The following GPHN variants were observed in gnomAD, a reference collection of about 807,000 sequenced individuals.
The protein encoded by GPHN is gephyrin.
In GPHN, 17 loss-of-function variants were observed where a neutral mutation model predicts 95.5. The ratio of observed to expected loss-of-function variants is 0.18; its 90% CI spans 0.12 to 0.27. The LOEUF (loss-of-function observed/expected upper bound fraction) is 0.27. Among genes scored for constraint, GPHN ranks in the 10% least tolerant of loss-of-function variants. GPHN has a pLI of 1.00. For missense variants in GPHN, 660 were observed against 978.1 expected (o/e 0.67, Z 4.34); for synonymous variants, 320 against 322.5 (o/e 0.99, Z 0.08).
At chr14:66,828,908 C>A (rs1029727306) in intron 4 of GPHN, among the ~76,000 whole-genome samples, 2 of 149,794 alleles carry the variant, frequency 1.3e-5, no homozygotes, top group African/African-American at 5.1e-5. Context: ...TTTTTAGGCC[C>A]TGCATCATAG....
At chr14:66,611,306 G>C (rs1318852864) in intron 1 of GPHN, among the ~76,000 whole-genome samples, 1 of 152,078 alleles carries the variant, frequency 6.6e-6, no homozygotes, top group Non-Finnish European at 1.5e-5. Context: ...TTATTTTCAA[G>C]GCCAAGGCCA....
At chr14:67,462,176 G>C in the GPHN span, among the ~76,000 whole-genome samples, 4 of 152,178 alleles carry the variant, frequency 2.6e-5, no homozygotes, top group Admixed American at 2.0e-4. Flanking sequence ...ATTTCATGAA[G>C]GTTAGGATGG....
At chr14:66,960,894 C>A (rs1052578820) in intron 8 of GPHN, among the ~76,000 whole-genome samples, 1 of 152,038 alleles carries the variant, frequency 6.6e-6, no homozygotes, top group African/African-American at 2.4e-5. Context: ...ACCCTCACTC[C>A]CAGGTTTTTC....
intron 3 of GPHN, among the ~76,000 whole-genome samples, chr14:66,819,663 G>A (rs2061115402): frequency 6.6e-6 from 1 of 151,468 alleles, no homozygotes; most frequent in Admixed American, 6.6e-5. Context: ...GACCACGTTG[G>A]CTATTGAAAT....
intron 5 of GPHN, among the ~76,000 whole-genome samples, chr14:66,908,558 TA>T (rs1188287090): frequency 2.0e-5 from 3 of 152,188 alleles, no homozygotes; most frequent in African/African-American, 7.2e-5. Context: ...AAGGGGCACA[TA>T]ACTCCTCACT....
intron 11 of GPHN, among the ~76,000 whole-genome samples, chr14:67,084,786 A>T (rs1311955350): frequency 1.3e-5 from 2 of 152,170 alleles, no homozygotes; most frequent in African/African-American, 4.8e-5. Context: ...AATGCATGAT[A>T]CTTACTAGGA....
the GPHN span, among the ~76,000 whole-genome samples, chr14:67,688,269 A>G: frequency 6.6e-6 from 1 of 152,206 alleles, no homozygotes; most frequent in East Asian, 1.9e-4. Flanking sequence ...TTATAATTAA[A>G]CAGCCACAAC....
the GPHN span, chr14:67,336,654 G>A: frequency 2.2e-6 from 1 of 450,024 alleles, no homozygotes. Flanking sequence ...TACTTGACTT[G>A]CATTCCAGCT....
At chr14:66,629,666 G>A (rs2063709611) in intron 1 of GPHN, among the ~76,000 whole-genome samples, 1 of 152,060 alleles carries the variant, frequency 6.6e-6, no homozygotes, top group Admixed American at 6.5e-5. Context: ...CACTGCAGTA[G>A]GTTTGTTTAT....
At chr14:66,876,680 C>G (rs1032356487) in intron 4 of GPHN, among the ~76,000 whole-genome samples, 5 of 152,052 alleles carry the variant, frequency 3.3e-5, no homozygotes, top group Admixed American at 2.0e-4. Flanking sequence ...ATACACCCCC[C>G]CAAGACTAAA....
the GPHN span, among the ~76,000 whole-genome samples, chr14:67,476,983 G>A: frequency 6.6e-6 from 1 of 152,050 alleles, no homozygotes. Context: ...AAAAAACAAT[G>A]GATGGGTAGG....
intron 1 of GPHN, among the ~76,000 whole-genome samples, chr14:66,511,568 T>C (rs553517001): frequency 6.6e-6 from 1 of 152,242 alleles, no homozygotes; most frequent in Non-Finnish European, 1.5e-5. Flanking sequence ...GTTGTGACAT[T>C]TTTTATTACC....
the GPHN span, among the ~76,000 whole-genome samples, chr14:67,298,885 A>G: frequency 0.019 from 2,950 of 152,246 alleles, 40 homozygotes; most frequent in Middle Eastern, 0.034. Flanking sequence ...TGTTTTACAA[A>G]TTTGTCATTT....
the GPHN span, among the ~76,000 whole-genome samples, chr14:67,676,539 G>A: frequency 9.9e-5 from 15 of 152,212 alleles, no homozygotes; most frequent in Admixed American, 5.9e-4. Context: ...AGGCCAGCCT[G>A]GGCAACAAAG....
the GPHN span, chr14:67,692,449 C>G: frequency 3.7e-6 from 6 of 1,614,086 alleles, no homozygotes; most frequent in Non-Finnish European, 5.1e-6. Flanking sequence ...AGCTAAGAAG[C>G]CCTTAGCAAA....
At chr14:67,519,068 A>T in the GPHN span, among the ~76,000 whole-genome samples, 2 of 152,216 alleles carry the variant, frequency 1.3e-5, no homozygotes, top group African/African-American at 2.4e-5. Context: ...GGGATGGGAC[A>T]TATGGATATG....
chr14:66,546,793 G>C (rs1207201403), intron 1 of GPHN, among the ~76,000 whole-genome samples: 1 of 149,522 alleles, frequency 6.7e-6, no homozygotes, highest in Non-Finnish European at 1.5e-5. Flanking sequence ...CGTGGGGAGA[G>C]GGAGAGGGGG....
chr14:67,677,241 T>C, the GPHN span: 1 of 152,162 alleles, frequency 6.6e-6, no homozygotes, highest in African/African-American at 2.4e-5. Flanking sequence ...CATTTTAATC[T>C]TGTCAAGACA....
chr14:67,335,185 A>G, the GPHN span: 1 of 152,248 alleles, frequency 6.6e-6, no homozygotes, highest in African/African-American at 2.4e-5. Context: ...CAGCAATGGT[A>G]GATAGAAATG....
Sources: gnomAD v4.1 joint callset for allele counts (sites outside exome capture counted in the v4.1 genomes callset) on GRCh38, gnomAD v4.1.1 for gene constraint, MANE v1.5 for transcripts, NCBI Gene and HGNC (gene_info 2026-07-23, HGNC 2026-07-21) for gene names.